Variants in ITGA1 observed in about 807,000 individuals in gnomAD.
ITGA1 encodes integrin alpha-1.
ITGA1 carries 85 observed loss-of-function variants against 145.9 expected under a neutral mutation model. That is an observed-to-expected ratio of 0.58 (90% CI 0.49 to 0.70). The LOEUF (loss-of-function observed/expected upper bound fraction) is 0.70. ITGA1 is among the 30% of genes least tolerant of loss of function. ITGA1 has a pLI of 0.00. For synonymous variants in ITGA1, 520 were observed against 495.3 expected (o/e 1.05, Z -0.66); for missense variants, 1,351 against 1,418.7 (o/e 0.95, Z 0.77).
At chr5:52,939,014 T>C (rs1751013330) in intron 24 of ITGA1, among the ~76,000 whole-genome samples, 1 of 152,136 alleles carries the variant, frequency 6.6e-6, no homozygotes, top group South Asian at 2.1e-4. Context: ...ATGATTCTCC[T>C]GCCTCAGACT....
At chr5:52,893,167 C>T (rs1110351) in intron 8 of ITGA1, among the ~76,000 whole-genome samples, 76,663 of 151,846 alleles carry the variant, frequency 0.5, 19,548 homozygotes, top group South Asian at 0.59. Flanking sequence ...GTTTATTTTC[C>T]AGATTGCCAA....
chr5:52,906,991 A>G (rs1219375023), intron 12 of ITGA1, among the ~76,000 whole-genome samples: 3 of 152,246 alleles, frequency 2.0e-5, no homozygotes, highest in Non-Finnish European at 2.9e-5. Flanking sequence ...CTACAAGAGT[A>G]ACTGCACTCT....
At chr5:52,883,484 G>A (rs1459994952) in intron 7 of ITGA1, among the ~76,000 whole-genome samples, 1 of 152,158 alleles carries the variant, frequency 6.6e-6, no homozygotes. Context: ...ATAGTACCAA[G>A]TATTTTTCTC....
chr5:52,911,332 G>C (rs997124920), intron 14 of ITGA1, among the ~76,000 whole-genome samples: 1 of 133,220 alleles, frequency 7.5e-6, no homozygotes, highest in Non-Finnish European at 1.5e-5. Context: ...AGTGTATATA[G>C]TGTATATATA....
chr5:52,933,657 C>T (rs1579727684), intron 22 of ITGA1: 1 of 243,856 alleles, frequency 4.1e-6, no homozygotes, highest in East Asian at 7.9e-5. Flanking sequence ...TTTTAAAACT[C>T]ATATTCTAGC....
intron 2 of ITGA1, among the ~76,000 whole-genome samples, chr5:52,850,079 T>A (rs111636078): frequency 0.013 from 1,969 of 151,220 alleles, 45 homozygotes; most frequent in African/African-American, 0.045. Flanking sequence ...CTCAGCTCAC[T>A]GCAACCTCCG....
At chr5:52,922,990 A>G in intron 18 of ITGA1, 103 bp downstream of exon 18, 1 of 661,326 alleles carries the variant, frequency 1.5e-6, no homozygotes. Flanking sequence ...ACAAAGAACG[A>G]ACAACTAACT....
rs570148678 is a variant in ITGA1 at position 52,842,119 on chromosome 5, G to A, written c.62-7246G>A. Reference sequence around the variant, plus strand: ...CTTGCAACCCTTAAAATAGGTTAGAGGGGAGTAAATTTTCATTAGAGTGAA... The same window carrying A: ...CTTGCAACCCTTAAAATAGGTTAGAAGGGAGTAAATTTTCATTAGAGTGAA... On this transcript the variant is annotated intron_variant, in intron 1 of 28. Transcript: ENST00000282588. 5.3e-5 allele frequency among the ~76,000 whole-genome samples: 8 copies of A among 152,266 alleles called. No individual in the cohort carries two copies. The Middle Eastern group carries it at 0.024, about 453-fold the overall frequency.
chr5:52,928,354 T>A (rs927476776), intron 20 of ITGA1, among the ~76,000 whole-genome samples: 1 of 152,188 alleles, frequency 6.6e-6, no homozygotes, highest in African/African-American at 2.4e-5. Context: ...ATGCTTCAAA[T>A]AGATTGGTTT....
In ITGA1 at chr5:52,953,684, AAGT is replaced by A. The variant is rs1271510578; in HGVS notation, c.*1237_*1239del. Reference sequence around the variant, plus strand: ...CTTTGTATGTGCTTCTTTGTTCTTGAAGTAGTCATTATGGTTCATTGGAATCTA... The same window carrying A: ...CTTTGTATGTGCTTCTTTGTTCTTGAAGTCATTATGGTTCATTGGAATCTA... On this transcript the variant is annotated 3_prime_UTR_variant, in exon 29 of 29. Transcript: ENST00000282588. 1 of 152,182 alleles carries A rather than the reference AAGT, an allele frequency of 6.6e-6. No homozygotes were observed. The highest frequency in any genetic ancestry group is 2.4e-5 in the African/African-American group (1 of 41,446). 9.4% of individuals were successfully genotyped at this position (152,182 alleles called of 1,614,324 possible). A position where few individuals can be genotyped will look rare whatever the true frequency, so the allele number is the denominator to read the frequency against.
At position 52,925,740 on chromosome 5, in the gene ITGA1, T is replaced by A. The variant is rs558135334; in HGVS notation, c.2613+253T>A. Among the ~76,000 whole-genome samples, 6 of 152,298 alleles carry A rather than the reference T, an allele frequency of 3.9e-5. No individual in the cohort carries two copies. In the South Asian group the frequency reaches 1.2e-3, roughly 32 times the overall value. The stretch of plus-strand genomic sequence containing the variant: ...TCATGTATAAAAACTGTGTGTTTCA[T>A]AAAATCCTTAAACCACTGAAACTGA... On this transcript the variant is annotated intron_variant, in intron 19 of 28. Coordinates refer to ENST00000282588, the MANE Select transcript of ITGA1 (RefSeq NM_181501.2).
intron 1 of ITGA1, among the ~76,000 whole-genome samples, chr5:52,806,632 A>G (rs1748592462): frequency 6.6e-6 from 1 of 152,110 alleles, no homozygotes. Context: ...CACCATCTGT[A>G]TTCTCATCCA....
At chr5:52,811,007 A>G (rs1341575115) in intron 1 of ITGA1, among the ~76,000 whole-genome samples, 1 of 152,244 alleles carries the variant, frequency 6.6e-6, no homozygotes, top group Non-Finnish European at 1.5e-5. Flanking sequence ...GAGGATCAAT[A>G]AAGTAGCGCA....
intron 6 of ITGA1, among the ~76,000 whole-genome samples, chr5:52,874,160 G>A (rs1580073499): frequency 6.6e-6 from 1 of 152,082 alleles, no homozygotes; most frequent in Non-Finnish European, 1.5e-5. Context: ...TGAGGGCCTT[G>A]CGCTTGGGTC....
chr5:52,800,070 G>A (rs1311155153), intron 1 of ITGA1: 2 of 327,164 alleles, frequency 6.1e-6, no homozygotes, highest in South Asian at 3.4e-5. Flanking sequence ...GTCGGGTCGC[G>A]GGACGGGGGC....
intron 2 of ITGA1, among the ~76,000 whole-genome samples, chr5:52,856,478 C>A (rs1220625492): frequency 6.6e-6 from 1 of 152,090 alleles, no homozygotes; most frequent in African/African-American, 2.4e-5. Flanking sequence ...GCCTAACTCC[C>A]ATCCACTATA....
At position 52,955,839 on chromosome 5, in the gene ITGA1, T is replaced by G. The variant is rs894952150; in HGVS notation, c.*3388T>G. Reference sequence around the variant, plus strand: ...ATTTAATCTCTGAATATTTTCTGTGTCATAAGTGTGCTTGAAAAGAGGCTT... The same window carrying G: ...ATTTAATCTCTGAATATTTTCTGTGGCATAAGTGTGCTTGAAAAGAGGCTT... On this transcript the variant is annotated 3_prime_UTR_variant, in exon 29 of 29. Coordinates refer to ENST00000282588, the MANE Select transcript of ITGA1 (RefSeq NM_181501.2). 6.6e-6 allele frequency: 1 copy of G among 152,154 alleles called. No individual in the cohort carries two copies. Among genetic ancestry groups the G allele is most frequent in the Admixed American group, 6.5e-5 (1 of 15,274 alleles). The allele number at this position is 152,154 out of a possible 1,614,324, so 9.4% of individuals were successfully genotyped here.
intron 15 of ITGA1, among the ~76,000 whole-genome samples, chr5:52,916,126 A>C (rs1484604196): frequency 6.6e-6 from 1 of 152,206 alleles, no homozygotes; most frequent in Non-Finnish European, 1.5e-5. Flanking sequence ...ATAATGCTTT[A>C]TTAATTATGA....
intron 1 of ITGA1, among the ~76,000 whole-genome samples, chr5:52,844,680 C>T (rs1027552250): frequency 2.0e-5 from 3 of 152,126 alleles, no homozygotes; most frequent in African/African-American, 7.2e-5. Flanking sequence ...ATTGCTGGTA[C>T]ATGTGAAATC....
Sources: allele counts gnomAD v4.1 joint callset (sites outside exome capture counted in the v4.1 genomes callset), GRCh38; gene constraint gnomAD v4.1.1; transcripts MANE v1.5; gene names NCBI Gene and HGNC (gene_info 2026-07-23, HGNC 2026-07-21).